KAZN: variants seen among roughly 807,000 people sequenced by gnomAD.
KAZN encodes kazrin, periplakin interacting protein, also known as kazrin.
A neutral mutation model predicts 87.4 loss-of-function variants in KAZN; 40 were observed. The observed-to-expected ratio is 0.46, with a 90% CI of 0.36 to 0.60. The LOEUF (loss-of-function observed/expected upper bound fraction) is 0.60. Among genes scored for constraint, KAZN ranks in the 20% least tolerant of loss-of-function variants. The probability of loss-of-function intolerance (pLI) is 0.00; values close to 1 mark genes in which losing one functional copy is unlikely to be tolerated. For missense variants in KAZN, 898 were observed against 1,073.9 expected (o/e 0.84, Z 2.29); for synonymous variants, 466 against 458.3 (o/e 1.02, Z -0.22).
At chr1:13,901,804 T>A (rs1639260572) in intron 1 of KAZN, among the ~76,000 whole-genome samples, 1 of 152,266 alleles carries the variant, frequency 6.6e-6, no homozygotes, top group Non-Finnish European at 1.5e-5. Context: ...TGAACACATG[T>A]GTCTCTCCAG....
Position 14,995,919 on chromosome 1 carries a change from G to A in KAZN, c.418+35044G>A, listed in dbSNP as rs139486515. On this transcript the variant is annotated intron_variant, in intron 2 of 14. Transcript: ENST00000376030. ...AATTTGTTACCACCATTTAAAAGTTGGAAACTTTTACAGTGTGGATTTCCA... is the reference window on the plus strand; with the variant it reads ...AATTTGTTACCACCATTTAAAAGTTAGAAACTTTTACAGTGTGGATTTCCA... Among the ~76,000 whole-genome samples the A allele has an allele frequency of 2.6e-5, 4 of 152,210 alleles. No individual in the cohort carries two copies. In the East Asian group the frequency reaches 7.7e-4, roughly 29 times the overall value.
chr1:14,733,210 G>A (rs1643758400), intron 1 of KAZN, among the ~76,000 whole-genome samples: 1 of 152,152 alleles, frequency 6.6e-6, no homozygotes, highest in Admixed American at 6.5e-5. Flanking sequence ...TAATTAAGCA[G>A]TCTGAGTGAT....
intron 1 of KAZN, among the ~76,000 whole-genome samples, chr1:13,902,390 C>T (rs1639282621): frequency 1.3e-5 from 2 of 152,328 alleles, no homozygotes; most frequent in Middle Eastern, 6.8e-3. Context: ...TAGAGTTGGT[C>T]TCATTCTTGG....
intron 1 of KAZN, among the ~76,000 whole-genome samples, chr1:14,717,657 G>C (rs142776711): frequency 6.6e-6 from 1 of 152,284 alleles, no homozygotes; most frequent in African/African-American, 2.4e-5. Context: ...GCCAAATAAG[G>C]TTCCGAGGTT....
chr1:15,076,848 C>T (rs4661573), intron 8 of KAZN, among the ~76,000 whole-genome samples: 15,983 of 152,252 alleles, frequency 0.1, 1,442 homozygotes, highest in East Asian at 0.52. Flanking sequence ...GCACCCACTG[C>T]AAACATATAT....
chr1:15,073,844 C>T (rs1639622494), intron 8 of KAZN, among the ~76,000 whole-genome samples: 10 of 152,214 alleles, frequency 6.6e-5, no homozygotes. Flanking sequence ...GGACACCAGA[C>T]CATGAGCCCT....
chr1:14,740,216 C>T (rs1482223761), intron 1 of KAZN, among the ~76,000 whole-genome samples: 3 of 152,098 alleles, frequency 2.0e-5, no homozygotes, highest in Admixed American at 2.0e-4. Flanking sequence ...GGGAACCAAC[C>T]GTGGTATGAC....
intron 1 of KAZN, among the ~76,000 whole-genome samples, chr1:14,028,893 T>A (rs1641201063): frequency 6.6e-6 from 1 of 152,158 alleles, no homozygotes; most frequent in South Asian, 2.1e-4. Context: ...TTTGGGTTGG[T>A]TCCAAGTCTT....
chr1:14,253,748 TGCTAAGAGAGA>T (rs1167588858), intron 2 of KAZN, among the ~76,000 whole-genome samples: 7 of 152,126 alleles, frequency 4.6e-5, no homozygotes, highest in Admixed American at 1.3e-4. Flanking sequence ...CTCTGCAGAC[TGCTAAGAGAGA>T]GCTCTTTGGC....
chr1:14,032,176 G>A (rs1168901559), intron 1 of KAZN, among the ~76,000 whole-genome samples: 1 of 152,060 alleles, frequency 6.6e-6, no homozygotes, highest in African/African-American at 2.4e-5. Flanking sequence ...AATGGGTCAG[G>A]GAACCCAATT....
chr1:15,069,166 C>T (rs1006706801), intron 8 of KAZN, among the ~76,000 whole-genome samples: 46 of 152,098 alleles, frequency 3.0e-4, no homozygotes, highest in African/African-American at 9.9e-4. Context: ...CACGCATGCC[C>T]CTACTCCCCT....
intron 1 of KAZN, among the ~76,000 whole-genome samples, chr1:14,109,567 G>T (rs1557482631): frequency 6.6e-6 from 1 of 152,098 alleles, no homozygotes; most frequent in Non-Finnish European, 1.5e-5. Flanking sequence ...AATCTATAAT[G>T]TCCTTTCTGC....
intron 2 of KAZN, among the ~76,000 whole-genome samples, chr1:14,477,414 G>A (rs1668803169): frequency 6.7e-6 from 1 of 148,838 alleles, no homozygotes; most frequent in South Asian, 2.1e-4. Flanking sequence ...ACACTCCCAG[G>A]TAATTCATTC....
At chr1:14,354,836 CA>C (rs1158029958) in intron 2 of KAZN, among the ~76,000 whole-genome samples, 1 of 152,080 alleles carries the variant, frequency 6.6e-6, no homozygotes, top group Non-Finnish European at 1.5e-5. Context: ...TATGACCCAG[CA>C]ATTCCTAGGT....
intron 2 of KAZN, among the ~76,000 whole-genome samples, chr1:14,439,128 C>G (rs187998185): frequency 6.6e-5 from 10 of 152,304 alleles, no homozygotes; most frequent in Non-Finnish European, 1.0e-4. Flanking sequence ...AAACTGAACT[C>G]ATCGTTTTTC....
intron 2 of KAZN, among the ~76,000 whole-genome samples, chr1:14,436,787 A>G (rs950906280): frequency 3.0e-4 from 45 of 152,018 alleles, no homozygotes; most frequent in Non-Finnish European, 3.1e-4. Flanking sequence ...CCCATTTTAC[A>G]GAGAGGAGAA....
At chr1:14,686,674 G>A (rs1572223329) in intron 1 of KAZN, among the ~76,000 whole-genome samples, 1 of 152,196 alleles carries the variant, frequency 6.6e-6, no homozygotes. Flanking sequence ...CTAATATCGG[G>A]TGTAGCGGGA....
At chr1:14,173,353 C>T (rs1645996670) in intron 1 of KAZN, among the ~76,000 whole-genome samples, 1 of 152,116 alleles carries the variant, frequency 6.6e-6, no homozygotes, top group African/African-American at 2.4e-5. Flanking sequence ...TGGCTGAATC[C>T]TGTGCTGCAA....
chr1:13,979,824 G>C (rs1033406674), intron 1 of KAZN, among the ~76,000 whole-genome samples: 1 of 151,554 alleles, frequency 6.6e-6, no homozygotes, highest in Non-Finnish European at 1.5e-5. Context: ...CCAGCTACTC[G>C]GGAGGCTGAG....
Sources: allele counts gnomAD v4.1 joint callset (sites outside exome capture counted in the v4.1 genomes callset), GRCh38; gene constraint gnomAD v4.1.1; transcripts MANE v1.5; gene names NCBI Gene and HGNC (gene_info 2026-07-23, HGNC 2026-07-21).